Variants in AMOT observed in about 807,000 individuals in gnomAD.
The protein encoded by AMOT is angiomotin.
A neutral mutation model predicts 67.0 loss-of-function variants in AMOT; 11 were observed. The observed-to-expected ratio is 0.16, with a 90% confidence interval of 0.10 to 0.27. The LOEUF is 0.27. Among genes scored for constraint, AMOT ranks in the 10% least tolerant of loss-of-function variants. The pLI is 1.00. For synonymous variants in AMOT, 326 were observed against 321.4 expected, an observed-to-expected ratio of 1.01 and a Z score of -0.15; for missense variants, 753 against 852.0, an observed-to-expected ratio of 0.88 and a Z score of 1.45.
intron 8 of AMOT, among the ~76,000 whole-genome samples, chrX:112,796,705 G>A (rs759995596): frequency 9.0e-6 from 1 of 111,621 alleles, no homozygotes; most frequent in Non-Finnish European, 1.9e-5. Flanking sequence ...AGTACTCCAA[G>A]GTCCAATCTA....
intron 4 of AMOT, among the ~76,000 whole-genome samples, chrX:112,821,969 G>C (rs1159888492): frequency 8.9e-6 from 1 of 112,405 alleles, no homozygotes; most frequent in African/African-American, 3.2e-5. Context: ...CTAGGAGAGA[G>C]GACAGCAAAT....
At chrX:112,790,489 G>T (rs147369204) in intron 10 of AMOT, 103 bp downstream of exon 10, 321 of 919,913 alleles carry the variant, frequency 3.5e-4, no homozygotes, top group Non-Finnish European at 4.5e-4. Context: ...GCAGAAATTG[G>T]GGGGGAAACC....
intron 2 of AMOT, among the ~76,000 whole-genome samples, chrX:112,831,830 A>AG (rs57610141): frequency 1.6e-5 from 1 of 62,275 alleles, no homozygotes; most frequent in Admixed American, 1.9e-4. Context: ...ACTTCTGGGG[A>AG]AAAAAAAAAA....
chrX:112,795,824 C>G (rs1200977346), intron 8 of AMOT, among the ~76,000 whole-genome samples: 2 of 111,044 alleles, frequency 1.8e-5, no homozygotes, highest in Non-Finnish European at 3.8e-5. Context: ...GTGTTGTATT[C>G]ATGTTCATTT....
At chrX:112,812,332 T>C (rs180706660) in intron 5 of AMOT, among the ~76,000 whole-genome samples, 13 of 111,983 alleles carry the variant, frequency 1.2e-4, no homozygotes, top group Non-Finnish European at 2.1e-4. Context: ...TGGCGAGATA[T>C]GGCTGCTAAG....
chrX:112,807,694 G>A (rs1934235772), intron 7 of AMOT, among the ~76,000 whole-genome samples: 1 of 111,920 alleles, frequency 8.9e-6, no homozygotes, highest in Non-Finnish European at 1.9e-5. Context: ...GATCAAATGA[G>A]ATAGAAGATT....
chrX:112,830,852 T>A (rs1194643103), intron 2 of AMOT, among the ~76,000 whole-genome samples: 1 of 112,104 alleles, frequency 8.9e-6, no homozygotes, highest in Non-Finnish European at 1.9e-5. Flanking sequence ...CTTGGAAAGA[T>A]CTGACAGTCA....
Position 112,815,844 on chromosome X carries a change from G to C in AMOT, c.906C>G (p.Ala302=), listed in dbSNP as rs1487103628. 4.3e-6 allele frequency: 5 copies of C among 1,166,664 alleles called. No homozygotes were observed. The highest frequency in any genetic ancestry group is 5.2e-5 in the Admixed American group (2 of 38,652). ...TAGGGCTGTGAGGCTGCGAGTTCCT[G>C]GCTGACAATGGCAATGAGATGTCCT... The part of the protein sequence containing the change: ...PAQDISLPLS[A]RNSQPHSPTS... The change falls in exon 5 of 14, where the codon GCC becomes GCG. Residue 302 remains alanine (A), a synonymous_variant. Transcript: ENST00000371959.
intron 1 of AMOT, among the ~76,000 whole-genome samples, chrX:112,837,908 G>A (rs1935170253): frequency 9.0e-6 from 1 of 111,591 alleles, no homozygotes; most frequent in South Asian, 3.8e-4. Context: ...TGTAATAGGA[G>A]ATTTGGAAAC....
intron 10 of AMOT, among the ~76,000 whole-genome samples, chrX:112,788,226 C>T (rs889160936): frequency 2.2e-4 from 24 of 108,238 alleles, no homozygotes; most frequent in Middle Eastern, 4.7e-3. Context: ...GAGGCGGAGG[C>T]TGCAGTGAGC....
Position 112,823,787 on chromosome X carries a change from T to C in AMOT, c.-62-599A>G, listed in dbSNP as rs150756597. Among the ~76,000 whole-genome samples, 17 of 112,321 alleles carry C rather than the reference T, an allele frequency of 1.5e-4. No homozygotes were observed. In the East Asian group the frequency reaches 4.5e-3, roughly 30 times the overall value. On this transcript the variant is annotated intron_variant, in intron 3 of 13. Transcript: ENST00000371959. Reference sequence around the variant, plus strand: ...ACATCTTTTTAAAAAATCATTTTCATAGTCTCCATTTTGGATGCTCCTTGG... The same window carrying C: ...ACATCTTTTTAAAAAATCATTTTCACAGTCTCCATTTTGGATGCTCCTTGG...
intron 5 of AMOT, among the ~76,000 whole-genome samples, chrX:112,814,823 G>C (rs188461904): frequency 3.0e-4 from 34 of 111,830 alleles, no homozygotes; most frequent in Middle Eastern, 4.6e-3. Context: ...TGGGGTGGAG[G>C]GATTGTTGAA....
At chrX:112,834,388 GTA>G (rs1373344028) in intron 1 of AMOT, among the ~76,000 whole-genome samples, 1 of 111,565 alleles carries the variant, frequency 9.0e-6, no homozygotes, top group African/African-American at 3.3e-5. Context: ...TTGCTATGGG[GTA>G]TATATAAGGG....
intron 8 of AMOT, among the ~76,000 whole-genome samples, chrX:112,799,847 A>C (rs764334867): frequency 4.4e-5 from 5 of 112,532 alleles, no homozygotes; most frequent in African/African-American, 1.6e-4. Flanking sequence ...GGAAAGACTG[A>C]AAGAATTGAG....
intron 8 of AMOT, among the ~76,000 whole-genome samples, chrX:112,800,413 T>C (rs771938502): frequency 2.7e-5 from 3 of 112,090 alleles, no homozygotes; most frequent in South Asian, 3.8e-4. Context: ...TGGGTGGATA[T>C]GTATTTTATC....
chrX:112,790,207 A>T (rs1194798211), intron 10 of AMOT, among the ~76,000 whole-genome samples: 3 of 107,904 alleles, frequency 2.8e-5, no homozygotes, highest in African/African-American at 1.0e-4. Flanking sequence ...CCTCAGTGAC[A>T]TTTAGTTTCT....
Position 112,822,355 on chromosome X carries a change from C to T in AMOT, c.772G>A (p.Glu258Lys). The change falls in exon 4 of 14, where the codon GAG (glutamate) becomes AAG (lysine). Residue 258 changes from glutamate to lysine, a missense_variant. Physicochemically the swap from Glu to Lys is moderately conservative, Grantham distance 56. This residue lies in a region of AMOT where 297 missense variants were observed against 284.3 expected (regional missense o/e 1.04). Coordinates refer to ENST00000371959, the MANE Select transcript of AMOT (RefSeq NM_001113490.2). Reference protein sequence around the residue: ...PPQSVVCKPQEPGHFYSEHRL... With the variant: ...PPQSVVCKPQKPGHFYSEHRL... ...TGCTCACTATAGAAGTGCCCTGGCT[C>T]TTGGGGCTTGCACACTACAGATTGG... 1.7e-6 allele frequency: 2 copies of T among 1,160,595 alleles called. No individual in the cohort carries two copies. Among genetic ancestry groups the T allele is most frequent in the Non-Finnish European group, 2.3e-6 (2 of 869,186 alleles).
chrX:112,806,301 G>T (rs1433762563), intron 7 of AMOT, among the ~76,000 whole-genome samples: 2 of 104,729 alleles, frequency 1.9e-5, no homozygotes, highest in Non-Finnish European at 3.9e-5. Context: ...AATCCAATAT[G>T]CTTGTGTGCT....
chrX:112,812,127 A>C (rs771538246), intron 5 of AMOT, among the ~76,000 whole-genome samples: 1 of 112,180 alleles, frequency 8.9e-6, no homozygotes, highest in Non-Finnish European at 1.9e-5. Flanking sequence ...GGAAGAAGTT[A>C]TTCCTGGTTG....
Sources: gnomAD v4.1 joint callset for allele counts (sites outside exome capture counted in the v4.1 genomes callset) on GRCh38, gnomAD v4.1.1 for gene constraint, gnomAD v4.1.1 regional missense constraint, MANE v1.5 for transcripts, NCBI Gene and HGNC (gene_info 2026-07-23, HGNC 2026-07-21) for gene names.